RAB10: variants seen among roughly 807,000 people sequenced by gnomAD.
RAB10 encodes the protein RAB10, member RAS oncogene family.
RAB10 carries 5 observed loss-of-function variants against 25.7 expected under a neutral mutation model. The observed-to-expected ratio is 0.19, with a 90% confidence interval of 0.10 to 0.41. RAB10 has a LOEUF of 0.41. Among genes scored for constraint, RAB10 ranks in the 10% least tolerant of loss-of-function variants. The pLI, the probability that RAB10 is intolerant of heterozygous loss-of-function variation, is 1.00. For synonymous variants in RAB10, 89 were observed against 86.4 expected, an observed-to-expected ratio of 1.03 and a Z score of -0.16; for missense variants, 103 against 245.8, an observed-to-expected ratio of 0.42 and a Z score of 3.89.
intron 3 of RAB10, among the ~76,000 whole-genome samples, chr2:26,113,221 TAC>T (rs1667611540): frequency 6.6e-6 from 1 of 152,088 alleles, no homozygotes. Context: ...GACAAAACCA[TAC>T]AGTTATCTCA....
At chr2:26,062,249 C>T (rs1206753017) in intron 1 of RAB10, among the ~76,000 whole-genome samples, 2 of 152,144 alleles carry the variant, frequency 1.3e-5, no homozygotes, top group Non-Finnish European at 2.9e-5. Context: ...ATACTATAAT[C>T]CTTCATTGCA....
chr2:26,116,404 T>G (rs1667688507), intron 3 of RAB10, among the ~76,000 whole-genome samples: 1 of 152,082 alleles, frequency 6.6e-6, no homozygotes, highest in Non-Finnish European at 1.5e-5. Flanking sequence ...TAGGTTGGTG[T>G]GGAGCCTTCT....
intron 3 of RAB10, among the ~76,000 whole-genome samples, chr2:26,117,069 G>A (rs1002212665): frequency 5.3e-5 from 8 of 152,098 alleles, no homozygotes; most frequent in South Asian, 2.1e-4. Flanking sequence ...TTTCTGAAGC[G>A]TGTTCTACTT....
intron 2 of RAB10, among the ~76,000 whole-genome samples, chr2:26,101,115 T>C (rs917083842): frequency 6.6e-6 from 1 of 152,118 alleles, no homozygotes; most frequent in African/African-American, 2.4e-5. Context: ...AGTCAATAAA[T>C]GTTTGTTGAG....
chr2:26,043,727 G>A (rs1665938384), intron 1 of RAB10, among the ~76,000 whole-genome samples: 2 of 152,182 alleles, frequency 1.3e-5, no homozygotes, highest in South Asian at 4.1e-4. Flanking sequence ...AGTGGTTACT[G>A]GGGCCTGGGG....
chr2:26,062,679 A>AAAATAAAT (rs10659551), intron 1 of RAB10, among the ~76,000 whole-genome samples: 11,611 of 148,388 alleles, frequency 0.078, 478 homozygotes, highest in Middle Eastern at 0.14. Context: ...CTCTGTCTCA[A>AAAATAAAT]AAATAAATAA....
At chr2:26,087,279 G>A (rs1667007537) in intron 1 of RAB10, among the ~76,000 whole-genome samples, 1 of 152,056 alleles carries the variant, frequency 6.6e-6, no homozygotes, top group South Asian at 2.1e-4. Flanking sequence ...TATAAAATAG[G>A]CATATTGGTA....
intron 1 of RAB10, among the ~76,000 whole-genome samples, chr2:26,083,077 A>G (rs1291782259): frequency 6.6e-6 from 1 of 152,206 alleles, no homozygotes; most frequent in African/African-American, 2.4e-5. Context: ...CATTTGTTTA[A>G]TGTGCTAAAT....
chr2:26,091,477 T>C (rs567842706), intron 1 of RAB10, among the ~76,000 whole-genome samples: 1 of 152,154 alleles, frequency 6.6e-6, no homozygotes, highest in Non-Finnish European at 1.5e-5. Flanking sequence ...AGGAAGTCAA[T>C]ACAATTAGCT....
intron 1 of RAB10, among the ~76,000 whole-genome samples, chr2:26,050,033 G>A (rs1473992520): frequency 6.6e-6 from 1 of 152,150 alleles, no homozygotes; most frequent in Non-Finnish European, 1.5e-5. Context: ...ATGCCTGGTT[G>A]CACAATTAAT....
intron 3 of RAB10, among the ~76,000 whole-genome samples, chr2:26,121,049 T>C (rs1667793960): frequency 6.6e-6 from 1 of 152,066 alleles, no homozygotes. Flanking sequence ...GTAGCTGAGA[T>C]TACAGACGTG....
Position 26,098,221 on chromosome 2 carries a change from A to G in RAB10, c.128-441A>G, listed in dbSNP as rs372798864. 1.2e-4 allele frequency among the ~76,000 whole-genome samples: 18 copies of G among 146,972 alleles called. No homozygotes were observed. In the East Asian group the frequency reaches 3.7e-3, roughly 30 times the overall value. On this transcript the variant is annotated intron_variant, in intron 1 of 5. Transcript: ENST00000264710. ...CTGCAACCTCTGCCTCTTGGGTTCAAGGGATTCTTCCACCTCAGCCTCCTG... is the reference window on the plus strand; with the variant it reads ...CTGCAACCTCTGCCTCTTGGGTTCAGGGGATTCTTCCACCTCAGCCTCCTG...
chr2:26,102,116 G>A (rs2149281307), intron 2 of RAB10: 1 of 152,314 alleles, frequency 6.6e-6, no homozygotes, highest in Non-Finnish European at 1.5e-5. Context: ...ACCCTCCCAT[G>A]ATAGTGGCAG....
chr2:26,107,479 G>A (rs547436786), intron 2 of RAB10, among the ~76,000 whole-genome samples: 1 of 152,144 alleles, frequency 6.6e-6, no homozygotes, highest in East Asian at 1.9e-4. Context: ...ACTTTCAAAA[G>A]TCAGCAGTAA....
At chr2:26,068,640 T>A (rs1156434536) in intron 1 of RAB10, among the ~76,000 whole-genome samples, 1 of 152,204 alleles carries the variant, frequency 6.6e-6, no homozygotes, top group East Asian at 1.9e-4. Context: ...ATTTGGTTTG[T>A]GAGCTTGAGC....
At chr2:26,060,196 G>C (rs1666365019) in intron 1 of RAB10, among the ~76,000 whole-genome samples, 1 of 152,138 alleles carries the variant, frequency 6.6e-6, no homozygotes, top group Admixed American at 6.5e-5. Context: ...GGAAATTATT[G>C]AACAACTGCT....
chr2:26,074,615 T>C (rs952426131), intron 1 of RAB10, among the ~76,000 whole-genome samples: 1 of 152,120 alleles, frequency 6.6e-6, no homozygotes, highest in Non-Finnish European at 1.5e-5. Flanking sequence ...GATGGGGTTT[T>C]ACCATGTTAG....
At chr2:26,044,469 T>C (rs1464332366) in intron 1 of RAB10, among the ~76,000 whole-genome samples, 1 of 152,086 alleles carries the variant, frequency 6.6e-6, no homozygotes, top group Non-Finnish European at 1.5e-5. Context: ...AACCCTTAAA[T>C]GAATTTTCAA....
rs555600804 is a variant in RAB10 at position 26,119,408 on chromosome 2, CA to C, written c.328-7726del. On this transcript the variant is annotated intron_variant, in intron 3 of 5. Transcript: ENST00000264710. ...TGGGTGACACAGCGAGACCCTGTCTCAAAAAAAAAATAAATTTTAAAAAGAG... is the reference window on the plus strand; with the variant it reads ...TGGGTGACACAGCGAGACCCTGTCTCAAAAAAAAATAAATTTTAAAAAGAG... Among the ~76,000 whole-genome samples the C allele has an allele frequency of 8.3e-5, 12 of 144,280 alleles. No homozygotes were observed. In the South Asian group the frequency reaches 1.3e-3, roughly 16 times the overall value. 94.7% of individuals were successfully genotyped at this position (144,280 alleles called of 152,430 possible). A position where few individuals can be genotyped will look rare whatever the true frequency, so the allele number is the denominator to read the frequency against.
Sources: gnomAD v4.1 joint callset for allele counts (sites outside exome capture counted in the v4.1 genomes callset) on GRCh38, gnomAD v4.1.1 for gene constraint, MANE v1.5 for transcripts, NCBI Gene and HGNC (gene_info 2026-07-23, HGNC 2026-07-21) for gene names.